Variants in PRP4K observed in about 807,000 individuals in gnomAD.
PRP4K encodes the protein pre-mRNA processing factor kinase PRP4K.
the PRP4K span, chr6:4,021,540 G>A: frequency 6.5e-7 from 1 of 1,544,978 alleles, no homozygotes; most frequent in Non-Finnish European, 8.8e-7. Context: ...GGGGTGGCGG[G>A]AAAGTTCGGG....
chr6:4,063,614 A>T, the PRP4K span: 7 of 152,118 alleles, frequency 4.6e-5, no homozygotes, highest in Non-Finnish European at 1.0e-4. Flanking sequence ...ATTTTTTTTA[A>T]GGGAAATGAA....
the PRP4K span, among the ~76,000 whole-genome samples, chr6:4,027,774 C>G: frequency 6.6e-6 from 1 of 152,226 alleles, no homozygotes; most frequent in East Asian, 1.9e-4. Context: ...AGTAATGAAA[C>G]TGGAATTTGA....
At chr6:4,036,340 G>A in the PRP4K span, among the ~76,000 whole-genome samples, 2 of 152,160 alleles carry the variant, frequency 1.3e-5, no homozygotes, top group East Asian at 1.9e-4. Flanking sequence ...TCCCACTTGA[G>A]CCTCCCTATT....
chr6:4,030,143 A>G, the PRP4K span, among the ~76,000 whole-genome samples: 2 of 152,022 alleles, frequency 1.3e-5, no homozygotes, highest in Admixed American at 6.5e-5. Context: ...GGGTTTCCCC[A>G]TGTTAGTCAG....
chr6:4,044,061 T>C, the PRP4K span: 2 of 1,582,628 alleles, frequency 1.3e-6, no homozygotes, highest in Non-Finnish European at 1.7e-6. Flanking sequence ...TTTCTCTGAA[T>C]TGTTAGCTCT....
chr6:4,032,819 A>T, the PRP4K span: 1 of 1,424,206 alleles, frequency 7.0e-7, no homozygotes, highest in Non-Finnish European at 9.2e-7. Context: ...GGAAAACTAG[A>T]ACTTGTGGAC....
chr6:4,058,070 G>A, the PRP4K span, among the ~76,000 whole-genome samples: 1 of 152,148 alleles, frequency 6.6e-6, no homozygotes, highest in African/African-American at 2.4e-5. Context: ...CTGGAGTACA[G>A]TTATAGCTCA....
the PRP4K span, chr6:4,021,374 T>G: frequency 6.4e-7 from 1 of 1,554,482 alleles, no homozygotes; most frequent in Non-Finnish European, 8.7e-7. Flanking sequence ...TCCCCTACCC[T>G]CCACCGTCCG....
chr6:4,037,237 A>G, the PRP4K span, among the ~76,000 whole-genome samples: 1 of 152,226 alleles, frequency 6.6e-6, no homozygotes, highest in African/African-American at 2.4e-5. Context: ...ACACCAAAAT[A>G]TCACTGTAGT....
At chr6:4,048,912 G>T in the PRP4K span, 9 of 632,788 alleles carry the variant, frequency 1.4e-5, no homozygotes, top group Non-Finnish European at 2.0e-5. Flanking sequence ...GGAATAAAAT[G>T]CTTTTATTAA....
the PRP4K span, among the ~76,000 whole-genome samples, chr6:4,055,011 C>T: frequency 1.3e-5 from 2 of 152,164 alleles, no homozygotes; most frequent in African/African-American, 4.8e-5. Context: ...TCCCGTCTTC[C>T]TGGGGAAGGA....
chr6:4,063,239 G>GT, the PRP4K span: 1 of 152,196 alleles, frequency 6.6e-6, no homozygotes, highest in East Asian at 1.9e-4. Flanking sequence ...AATTAGTGCT[G>GT]TTGTGGAGTG....
chr6:4,022,431 C>T, the PRP4K span, among the ~76,000 whole-genome samples: 2 of 150,652 alleles, frequency 1.3e-5, no homozygotes, highest in South Asian at 2.1e-4. Flanking sequence ...ATGGATTTTA[C>T]GGCAATGTTC....
At chr6:4,033,843 C>A in the PRP4K span, among the ~76,000 whole-genome samples, 1 of 151,600 alleles carries the variant, frequency 6.6e-6, no homozygotes, top group South Asian at 2.1e-4. Flanking sequence ...CCCCTTTTTC[C>A]TTTGGCTTCC....
the PRP4K span, chr6:4,043,792 T>C: frequency 2.5e-6 from 4 of 1,601,096 alleles, no homozygotes; most frequent in Non-Finnish European, 3.4e-6. Flanking sequence ...GAAAGTATTA[T>C]CTTCTGTATT....
the PRP4K span, chr6:4,037,530 A>T: frequency 6.2e-7 from 1 of 1,614,074 alleles, no homozygotes; most frequent in Admixed American, 1.7e-5. Context: ...ACTCAGACGT[A>T]GCAGGTCTCC....
At chr6:4,041,203 A>T in the PRP4K span, among the ~76,000 whole-genome samples, 1 of 152,220 alleles carries the variant, frequency 6.6e-6, no homozygotes, top group Non-Finnish European at 1.5e-5. Context: ...AACAATACAT[A>T]CATTAGTCCT....
At chr6:4,038,453 T>G in the PRP4K span, among the ~76,000 whole-genome samples, 2 of 151,910 alleles carry the variant, frequency 1.3e-5, no homozygotes, top group Non-Finnish European at 2.9e-5. Flanking sequence ...GCCCAGCTTT[T>G]TTTTTTTTGT....
At chr6:4,055,393 C>T in the PRP4K span, among the ~76,000 whole-genome samples, 3 of 152,242 alleles carry the variant, frequency 2.0e-5, no homozygotes, top group Admixed American at 6.5e-5. Context: ...TAAAAATAAT[C>T]ATTTCTGTTC....
Sources: allele counts gnomAD v4.1 joint callset (sites outside exome capture counted in the v4.1 genomes callset), GRCh38; gene constraint gnomAD v4.1.1; transcripts MANE v1.5; gene names NCBI Gene and HGNC (gene_info 2026-07-23, HGNC 2026-07-21).